NRP1: variants seen among roughly 807,000 people sequenced by gnomAD.
The protein encoded by NRP1 is neuropilin-1.
A neutral mutation model predicts 106.7 loss-of-function variants in NRP1; 35 were observed. The observed-to-expected ratio is 0.33, with a 90% CI of 0.25 to 0.43. NRP1 has a LOEUF of 0.43. Ranked by LOEUF, NRP1 falls within the 20% of genes least tolerant of loss-of-function variation. NRP1 has a pLI of 1.00. For synonymous variants in NRP1, 437 were observed against 417.9 expected, an observed-to-expected ratio of 1.05 and a Z score of -0.56; for missense variants, 1,024 against 1,170.4, an observed-to-expected ratio of 0.87 and a Z score of 1.83.
intron 13 of NRP1, among the ~76,000 whole-genome samples, chr10:33,191,572 C>T (rs1434308343): frequency 6.6e-6 from 1 of 152,170 alleles, no homozygotes; most frequent in African/African-American, 2.4e-5. Context: ...AATTAAGTTT[C>T]CTATGATCTG....
Position 33,185,722 on chromosome 10 carries a change from C to G in NRP1, c.2337G>C (p.Val779=), listed in dbSNP as rs1471255144. 1 of 1,612,870 alleles carries G rather than the reference C, an allele frequency of 6.2e-7. No individual in the cohort carries two copies. The highest frequency in any genetic ancestry group is 8.5e-7 in the Non-Finnish European group (1 of 1,178,972). Residue 779 remains valine (V), a splice_region_variant and synonymous_variant, in exon 15 of 17, where the codon GTG becomes GTC. Transcript: ENST00000374867. The part of the protein sequence containing the change: ...LLHKSLKLYQ[V]IFEGEIGKGN... ...CTTTTCCGATTTCGCCCTCGAAAAT[C>G]ACCTAACAAAATAAGATCATTTTCA...
chr10:33,218,815 AG>A (rs1218434054), intron 8 of NRP1, among the ~76,000 whole-genome samples: 2 of 152,164 alleles, frequency 1.3e-5, no homozygotes, highest in Non-Finnish European at 2.9e-5. Context: ...TGAAAATTTG[AG>A]GTCCAGCCGC....
chr10:33,281,505 G>A (rs948858301), intron 2 of NRP1, among the ~76,000 whole-genome samples: 4 of 152,170 alleles, frequency 2.6e-5, no homozygotes, highest in African/African-American at 9.7e-5. Context: ...CCATTAAGAA[G>A]GATCACCATC....
intron 4 of NRP1, among the ~76,000 whole-genome samples, chr10:33,259,982 A>C (rs1019716650): frequency 5.3e-5 from 8 of 152,092 alleles, no homozygotes; most frequent in African/African-American, 1.9e-4. Context: ...AGTCTCCTGA[A>C]GGGCTGGGAC....
At chr10:33,259,312 C>G (rs184660358) in intron 4 of NRP1, among the ~76,000 whole-genome samples, 6 of 152,250 alleles carry the variant, frequency 3.9e-5, no homozygotes, top group African/African-American at 1.2e-4. Context: ...TTTAGGAGCC[C>G]TCAAGATACG....
At chr10:33,276,560 G>A (rs1053302575) in intron 2 of NRP1, among the ~76,000 whole-genome samples, 3 of 152,196 alleles carry the variant, frequency 2.0e-5, no homozygotes, top group Non-Finnish European at 4.4e-5. Flanking sequence ...TGAGCTGGGA[G>A]AGCACAGCAT....
At chr10:33,212,102 G>C (rs1838350033) in intron 9 of NRP1, 1 of 152,198 alleles carries the variant, frequency 6.6e-6, no homozygotes, top group South Asian at 2.1e-4. Flanking sequence ...TGATTTGTTG[G>C]TTGAAAAAAA....
chr10:33,306,673 C>T (rs1846192925), intron 2 of NRP1, among the ~76,000 whole-genome samples: 2 of 152,038 alleles, frequency 1.3e-5, no homozygotes, highest in Admixed American at 6.5e-5. Flanking sequence ...TTTAGCTGCT[C>T]AATAAAGGGT....
intron 6 of NRP1, among the ~76,000 whole-genome samples, chr10:33,252,260 A>C (rs990353629): frequency 2.6e-5 from 4 of 151,906 alleles, no homozygotes; most frequent in Non-Finnish European, 5.9e-5. Flanking sequence ...CAGCAATAAA[A>C]CCTTGCACGC....
intron 6 of NRP1, among the ~76,000 whole-genome samples, chr10:33,252,074 T>C (rs965887666): frequency 6.6e-6 from 1 of 151,988 alleles, no homozygotes; most frequent in Non-Finnish European, 1.5e-5. Context: ...AGCGGGCAGA[T>C]ATACAAGCGG....
At chr10:33,183,902 C>T (rs1448020077) in intron 15 of NRP1, among the ~76,000 whole-genome samples, 1 of 152,228 alleles carries the variant, frequency 6.6e-6, no homozygotes, top group East Asian at 1.9e-4. Context: ...TTTCCCACTA[C>T]AATGTCTGGC....
intron 3 of NRP1, among the ~76,000 whole-genome samples, chr10:33,265,348 T>C (rs1224810329): frequency 6.6e-6 from 1 of 152,222 alleles, no homozygotes; most frequent in Non-Finnish European, 1.5e-5. Context: ...TCACAGTGGC[T>C]TGAAGGCAGA....
In NRP1 at chr10:33,254,160, T is replaced by C. The variant is rs752929094; in HGVS notation, c.849A>G (p.Ser283=). Residue 283 remains serine (S), a synonymous_variant, in exon 6 of 17, where the codon TCA becomes TCG. Coordinates refer to ENST00000374867, the MANE Select transcript of NRP1 (RefSeq NM_003873.7). ...TGATCTGGTCAGAATGAATTTCTCCTGATTCCATGCCCAGAGCTTCCATAC... is the reference window on the plus strand; with the variant it reads ...TGATCTGGTCAGAATGAATTTCTCCCGATTCCATGCCCAGAGCTTCCATAC... ...FKCMEALGME[S]GEIHSDQITA... 1 of 1,613,282 alleles carries C rather than the reference T, an allele frequency of 6.2e-7. No individual in the cohort carries two copies. Among genetic ancestry groups the C allele is most frequent in the South Asian group, 1.1e-5 (1 of 90,882 alleles).
chr10:33,329,565 G>T (rs544759753), intron 2 of NRP1, among the ~76,000 whole-genome samples: 2 of 152,238 alleles, frequency 1.3e-5, no homozygotes, highest in Middle Eastern at 6.8e-3. Flanking sequence ...TAGGTCCAGC[G>T]GTAGCAGTAG....
intron 8 of NRP1, among the ~76,000 whole-genome samples, chr10:33,219,068 A>C (rs1482465759): frequency 6.6e-6 from 1 of 152,212 alleles, no homozygotes; most frequent in East Asian, 1.9e-4. Context: ...AATCAAGAAG[A>C]AAAACTTGAA....
rs36019831 is a variant in NRP1, at chr10:33,237,576, C to CTTTT, written c.982-11291_982-11288dup. On this transcript the variant is annotated intron_variant, in intron 6 of 16. Transcript: ENST00000374867. Reference sequence around the variant, plus strand: ...TGCTATGATGAATATTTTCCTTCTTCTTTTTTTTTTTTTTTTTTTTTGAGA... The same window carrying CTTTT: ...TGCTATGATGAATATTTTCCTTCTTCTTTTTTTTTTTTTTTTTTTTTTTTTGAGA... 5.1e-3 allele frequency among the ~76,000 whole-genome samples: 505 copies of CTTTT among 99,864 alleles called. 19 individuals carry two copies. The highest frequency in any genetic ancestry group is 8.4e-3 in the Non-Finnish European group (446 of 53,140). 65.5% of individuals were successfully genotyped at this position (99,864 alleles called of 152,430 possible). A position where few individuals can be genotyped will look rare whatever the true frequency, so the allele number is the denominator to read the frequency against.
intron 2 of NRP1, 114 bp from the exon 3 acceptor site, chr10:33,270,970 T>C (rs1291169825): frequency 2.4e-6 from 2 of 843,412 alleles, no homozygotes; most frequent in African/African-American, 1.7e-5. Context: ...AAAAAAGTTC[T>C]ATCTGCATTC....
At chr10:33,252,316 C>T (rs1412813097) in intron 6 of NRP1, among the ~76,000 whole-genome samples, 2 of 152,156 alleles carry the variant, frequency 1.3e-5, no homozygotes, top group African/African-American at 4.8e-5. Context: ...TACACCAAGG[C>T]AAGAAACCCT....
At chr10:33,209,813 C>T (rs1300374395) in intron 9 of NRP1, among the ~76,000 whole-genome samples, 1 of 152,222 alleles carries the variant, frequency 6.6e-6, no homozygotes, top group Non-Finnish European at 1.5e-5. Flanking sequence ...CACCACGGTC[C>T]AAGAAACATC....
Sources: gnomAD v4.1 joint callset for allele counts (sites outside exome capture counted in the v4.1 genomes callset) on GRCh38, gnomAD v4.1.1 for gene constraint, MANE v1.5 for transcripts, NCBI Gene and HGNC (gene_info 2026-07-23, HGNC 2026-07-21) for gene names.